CABIN1: variants seen among roughly 807,000 people sequenced by gnomAD.
CABIN1 encodes calcineurin-binding protein cabin-1.
A neutral mutation model predicts 227.7 loss-of-function variants in CABIN1; 133 were observed. The ratio of observed to expected loss-of-function variants is 0.58; its 90% confidence interval spans 0.51 to 0.67. The LOEUF is 0.67. Among genes scored for constraint, CABIN1 ranks in the 30% least tolerant of loss-of-function variants. The pLI, the probability that CABIN1 is intolerant of heterozygous loss-of-function variation, is 0.00. For missense variants in CABIN1, 2,408 were observed against 2,852.5 expected (o/e 0.84, Z 3.55); for synonymous variants, 1,086 against 1,155.1 (o/e 0.94, Z 1.21).
intron 19 of CABIN1, among the ~76,000 whole-genome samples, chr22:24,079,708 A>G (rs1253256005): frequency 6.6e-6 from 1 of 152,010 alleles, no homozygotes; most frequent in African/African-American, 2.4e-5. Flanking sequence ...TCTTATGCAA[A>G]TTGCCTGTTC....
chr22:24,044,817 T>C (rs1304231576), intron 6 of CABIN1, among the ~76,000 whole-genome samples: 3 of 152,184 alleles, frequency 2.0e-5, no homozygotes, highest in Admixed American at 6.5e-5. Context: ...GAAATGCCCT[T>C]GATGTTTATA....
At chr22:24,090,298 AG>A in intron 23 of CABIN1, among the ~76,000 whole-genome samples, 1 of 152,266 alleles carries the variant, frequency 6.6e-6, no homozygotes, top group African/African-American at 2.4e-5. Context: ...CAGGGTGGGC[AG>A]GGGGGCTAGT....
intron 26 of CABIN1, among the ~76,000 whole-genome samples, chr22:24,110,639 C>T (rs1379269540): frequency 6.6e-6 from 1 of 150,770 alleles, no homozygotes; most frequent in African/African-American, 2.4e-5. Context: ...AAAAACAAAC[C>T]TTTTTTTTTC....
intron 4 of CABIN1, among the ~76,000 whole-genome samples, chr22:24,039,677 G>A (rs894553367): frequency 8.5e-5 from 13 of 152,166 alleles, no homozygotes; most frequent in Admixed American, 7.2e-4. Flanking sequence ...CTAAGGGCAC[G>A]GTCATGTGTC....
chr22:24,158,258 G>A (rs1441929937), intron 29 of CABIN1, among the ~76,000 whole-genome samples: 1 of 152,176 alleles, frequency 6.6e-6, no homozygotes, highest in South Asian at 2.1e-4. Context: ...CTCACCCACT[G>A]TGTCAGCTCA....
At chr22:24,113,839 G>A in intron 27 of CABIN1, 91 bp downstream of exon 27, 2 of 1,405,326 alleles carry the variant, frequency 1.4e-6, no homozygotes, top group Non-Finnish European at 2.0e-6. Context: ...AGGGACCTTG[G>A]CTGGGCAAGT....
At chr22:24,088,264 T>C (rs1340325798) in intron 23 of CABIN1, among the ~76,000 whole-genome samples, 1 of 152,044 alleles carries the variant, frequency 6.6e-6, no homozygotes, top group African/African-American at 2.4e-5. Context: ...CTAGAGAGGA[T>C]AGGGGAAAGA....
chr22:24,124,423 G>T lies in CABIN1; in HGVS notation c.4632+4725G>T, dbSNP rs114767950. Among the ~76,000 whole-genome samples, 128 of 152,354 alleles carry T rather than the reference G, an allele frequency of 8.4e-4. 1 individual carries two copies. Among genetic ancestry groups the T allele is most frequent in the African/African-American group, 2.9e-3 (121 of 41,582 alleles). ...CTGTCCTGAGAGACCTTTGTTGCCT[G>T]CCTGAGGCTGCCCTCCCTCCCAAGG... On this transcript the variant is annotated intron_variant, in intron 28 of 36. Coordinates refer to ENST00000263119, the MANE Select transcript of CABIN1 (RefSeq NM_012295.4).
chr22:24,106,422 G>A (rs1194001835), intron 26 of CABIN1, among the ~76,000 whole-genome samples: 4 of 152,212 alleles, frequency 2.6e-5, no homozygotes, highest in Admixed American at 6.5e-5. Context: ...CTTCAGGAAT[G>A]GGGGTGGCTC....
chr22:24,121,427 T>C (rs1164392400), intron 28 of CABIN1, among the ~76,000 whole-genome samples: 2 of 152,222 alleles, frequency 1.3e-5, no homozygotes, highest in Non-Finnish European at 2.9e-5. Flanking sequence ...CTTTGGTCTG[T>C]AGTTCAAGGT....
At chr22:24,146,435 C>G (rs2045123309) in intron 29 of CABIN1, among the ~76,000 whole-genome samples, 1 of 152,214 alleles carries the variant, frequency 6.6e-6, no homozygotes, top group South Asian at 2.1e-4. Context: ...CGTGTTCAGC[C>G]TGGAGCAGGT....
At position 24,044,343 on chromosome 22, in the gene CABIN1, G is replaced by A. The variant is rs970681374; in HGVS notation, c.526+1259G>A. Among the ~76,000 whole-genome samples, 4 of 151,116 alleles carry A rather than the reference G, an allele frequency of 2.6e-5. No homozygotes were observed. The South Asian group carries it at 8.4e-4, about 32-fold the overall frequency. ...TCTTTCTCATTTTTTTTCTGTTCCC[G>A]TTAGTCCCCATTAGCAGTGTTTCTG... On this transcript the variant is annotated intron_variant, in intron 6 of 36. Coordinates refer to ENST00000263119, the MANE Select transcript of CABIN1 (RefSeq NM_012295.4).
chr22:24,121,175 C>T (rs1332771839), intron 28 of CABIN1, among the ~76,000 whole-genome samples: 1 of 152,238 alleles, frequency 6.6e-6, no homozygotes, highest in Non-Finnish European at 1.5e-5. Context: ...CCCCAGCATC[C>T]TCAGTGGAAT....
chr22:24,130,785 C>T (rs1569259387), intron 28 of CABIN1, among the ~76,000 whole-genome samples: 1 of 152,206 alleles, frequency 6.6e-6, no homozygotes. Flanking sequence ...TGTGCCTTAG[C>T]ATTGATCAGC....
intron 1 of CABIN1, among the ~76,000 whole-genome samples, chr22:24,022,795 G>A (rs776663208): frequency 6.6e-6 from 1 of 152,126 alleles, no homozygotes; most frequent in Non-Finnish European, 1.5e-5. Flanking sequence ...AGCTCATCAT[G>A]GTTTTAATTC....
At chr22:24,018,208 A>G (rs1372392549) in intron 1 of CABIN1, among the ~76,000 whole-genome samples, 3 of 152,132 alleles carry the variant, frequency 2.0e-5, no homozygotes, top group Non-Finnish European at 2.9e-5. Flanking sequence ...GTCCCTTGTC[A>G]GTGGTATATG....
chr22:24,152,574 C>T (rs1025297802), intron 29 of CABIN1, among the ~76,000 whole-genome samples: 4 of 152,212 alleles, frequency 2.6e-5, no homozygotes, highest in African/African-American at 9.7e-5. Context: ...AGGCCTTGTG[C>T]CTCCAAACCA....
intron 1 of CABIN1, among the ~76,000 whole-genome samples, chr22:24,015,248 C>T (rs894924447): frequency 8.4e-5 from 10 of 118,618 alleles, no homozygotes; most frequent in African/African-American, 2.3e-4. Context: ...CCTGGGTGAC[C>T]GGCCGAGTGA....
intron 6 of CABIN1, among the ~76,000 whole-genome samples, chr22:24,048,051 C>T (rs2038032041): frequency 6.6e-6 from 1 of 152,206 alleles, no homozygotes; most frequent in Admixed American, 6.5e-5. Flanking sequence ...TGTCTCCATT[C>T]CTGGAGGAGC....
Sources: allele counts gnomAD v4.1 joint callset (sites outside exome capture counted in the v4.1 genomes callset), GRCh38; gene constraint gnomAD v4.1.1; transcripts MANE v1.5; gene names NCBI Gene and HGNC (gene_info 2026-07-23, HGNC 2026-07-21).